PCSK5: variants seen among roughly 807,000 people sequenced by gnomAD.
PCSK5 encodes proprotein convertase subtilisin/kexin type 5.
Under a neutral mutation model 233.2 loss-of-function variants are expected in PCSK5, and 129 were observed. That is an observed-to-expected ratio of 0.55 (90% CI 0.48 to 0.64). The LOEUF (loss-of-function observed/expected upper bound fraction) is 0.64. Ranked by LOEUF, PCSK5 falls within the 30% of genes least tolerant of loss-of-function variation. The pLI is 0.00. For synonymous variants in PCSK5, 825 were observed against 879.2 expected, an observed-to-expected ratio of 0.94 and a Z score of 1.09; for missense variants, 2,076 against 2,430.1, an observed-to-expected ratio of 0.85 and a Z score of 3.06.
At chr9:75,979,682 T>C (rs1387834410) in intron 2 of PCSK5, among the ~76,000 whole-genome samples, 1 of 152,208 alleles carries the variant, frequency 6.6e-6, no homozygotes, top group Non-Finnish European at 1.5e-5. Context: ...CATTAGCTGG[T>C]CACATTGCCC....
chr9:76,189,926 A>C (rs10869727), intron 20 of PCSK5, among the ~76,000 whole-genome samples, 180 bp downstream of exon 20: 23,477 of 152,200 alleles, frequency 0.15, 2,102 homozygotes, highest in Middle Eastern at 0.28. Context: ...TTGAATTGCA[A>C]AAAGAAATAA....
Position 76,233,524 on chromosome 9 carries a change from T to C in PCSK5, c.2794T>C (p.Cys932Arg), listed in dbSNP as rs752388314. ...PSWKFEFENQ[C>R]HPCHHTCQRC... ...ATGGAAATTTGAATTTGAGAACCAA[T>C]GCCATCCATGCCACCACACCTGCCA... The change falls in exon 22 of 38, where the codon TGC becomes CGC. Residue 932 changes from cysteine (C) to arginine (R), a missense_variant. This residue lies in a region of PCSK5 where 1,510 missense variants were observed against 1,538.1 expected (regional missense o/e 0.98). Transcript: ENST00000674117. The C allele has an allele frequency of 2.5e-6, 4 of 1,612,328 alleles. No individual in the cohort carries two copies. The highest frequency in any genetic ancestry group is 2.7e-5 in the African/African-American group (2 of 74,920).
intron 2 of PCSK5, among the ~76,000 whole-genome samples, chr9:75,979,020 A>G (rs1200971338): frequency 1.3e-5 from 2 of 151,830 alleles, no homozygotes; most frequent in Non-Finnish European, 2.9e-5. Context: ...TTGCCCAGCT[A>G]ATTTTGTATT....
chr9:76,084,138 A>C (rs2131626262), intron 7 of PCSK5, among the ~76,000 whole-genome samples: 1 of 152,362 alleles, frequency 6.6e-6, no homozygotes, highest in Middle Eastern at 3.4e-3. Flanking sequence ...TTAGAACATT[A>C]ACAAAGCTAA....
intron 8 of PCSK5, among the ~76,000 whole-genome samples, chr9:76,101,937 A>T (rs963111991): frequency 6.6e-6 from 1 of 152,058 alleles, no homozygotes; most frequent in African/African-American, 2.4e-5. Flanking sequence ...TCTTCTTTTG[A>T]CTTAGAAAAT....
intron 12 of PCSK5, among the ~76,000 whole-genome samples, chr9:76,160,865 C>T (rs1001241708): frequency 6.6e-6 from 1 of 152,062 alleles, no homozygotes; most frequent in Admixed American, 6.5e-5. Flanking sequence ...CCTCCACCTC[C>T]TGGGTTCAAG....
chr9:76,072,840 C>T (rs1390840461), intron 7 of PCSK5, among the ~76,000 whole-genome samples: 5 of 152,296 alleles, frequency 3.3e-5, no homozygotes, highest in East Asian at 1.9e-4. Flanking sequence ...AAAAGGTTCA[C>T]GTCTTCCCAG....
At chr9:76,335,554 T>G (rs558348791) in intron 34 of PCSK5, among the ~76,000 whole-genome samples, 182 of 152,352 alleles carry the variant, frequency 1.2e-3, no homozygotes, top group African/African-American at 4.1e-3. Flanking sequence ...CTTGTGCTTA[T>G]GCTCTTCAAG....
intron 13 of PCSK5, 75 bp downstream of exon 13, chr9:76,169,915 C>A: frequency 1.7e-6 from 2 of 1,194,418 alleles, no homozygotes; most frequent in Non-Finnish European, 2.5e-6. Flanking sequence ...CAGAGTGTTT[C>A]ACACTCACAT....
At chr9:76,017,065 A>G (rs1827977069) in intron 3 of PCSK5, among the ~76,000 whole-genome samples, 2 of 152,132 alleles carry the variant, frequency 1.3e-5, no homozygotes, top group African/African-American at 4.8e-5. Context: ...TGGTTCTAGC[A>G]GAGTTGGAAT....
At chr9:76,097,744 A>G (rs985080625) in intron 8 of PCSK5, among the ~76,000 whole-genome samples, 10 of 152,244 alleles carry the variant, frequency 6.6e-5, no homozygotes, top group Non-Finnish European at 1.5e-5. Context: ...GGAAGGCAGT[A>G]AAAAGTGCCT....
At chr9:76,028,355 G>A (rs979409516) in intron 5 of PCSK5, among the ~76,000 whole-genome samples, 1 of 152,178 alleles carries the variant, frequency 6.6e-6, no homozygotes, top group Non-Finnish European at 1.5e-5. Flanking sequence ...CTGTGCTGGA[G>A]ACCAGAGTTT....
rs59248860 is a variant in PCSK5, at chr9:76,173,496, CTTT to C, written c.1757-1456_1757-1454del. Among the ~76,000 whole-genome samples the C allele has an allele frequency of 6.9e-3, 420 of 60,878 alleles. 1 individual carries two copies. The highest frequency in any genetic ancestry group is 8.5e-3 in the Non-Finnish European group (255 of 30,054). The allele number at this position is 60,878 out of a possible 152,430, so 39.9% of individuals were successfully genotyped here. ...CTTTAATGAAATGGAGGCACGTTTC[CTTT>C]TTTTTTTTTTTTTTTTTTTTTTTTT... On this transcript the variant is annotated intron_variant, in intron 13 of 37. Transcript: ENST00000674117.
At chr9:76,297,095 A>G (rs773411290) in intron 27 of PCSK5, among the ~76,000 whole-genome samples, 3 of 152,168 alleles carry the variant, frequency 2.0e-5, no homozygotes, top group Non-Finnish European at 4.4e-5. Flanking sequence ...CCAAAGGGCA[A>G]TTTATAATTA....
intron 2 of PCSK5, among the ~76,000 whole-genome samples, chr9:75,958,758 T>A (rs1222410403): frequency 3.9e-5 from 6 of 152,252 alleles, no homozygotes; most frequent in African/African-American, 1.2e-4. Flanking sequence ...AGTTTCCTTC[T>A]GTATGAAATG....
At chr9:76,219,146 G>T (rs1825640888) in intron 20 of PCSK5, among the ~76,000 whole-genome samples, 1 of 152,154 alleles carries the variant, frequency 6.6e-6, no homozygotes, top group Admixed American at 6.5e-5. Context: ...CTCTCCAGGG[G>T]CTTCTCTTTT....
At chr9:76,120,860 G>T (rs1832604195) in intron 9 of PCSK5, among the ~76,000 whole-genome samples, 1 of 151,922 alleles carries the variant, frequency 6.6e-6, no homozygotes, top group Admixed American at 6.6e-5. Context: ...GGATAGCCTT[G>T]AGCAAGTGGA....
chr9:76,022,922 A>C (rs565489032), intron 3 of PCSK5, among the ~76,000 whole-genome samples: 2 of 152,180 alleles, frequency 1.3e-5, no homozygotes, highest in Admixed American at 6.5e-5. Flanking sequence ...TAGTGAAAGA[A>C]GTGTGGAGAA....
chr9:76,188,300 T>C (rs1824198572), intron 17 of PCSK5, among the ~76,000 whole-genome samples: 1 of 152,146 alleles, frequency 6.6e-6, no homozygotes, highest in Non-Finnish European at 1.5e-5. Flanking sequence ...TTGCGCAAAG[T>C]AGGAGTGTGC....
Sources: allele counts gnomAD v4.1 joint callset (sites outside exome capture counted in the v4.1 genomes callset), GRCh38; gene constraint gnomAD v4.1.1; regional missense constraint gnomAD v4.1.1; transcripts MANE v1.5; gene names NCBI Gene and HGNC (gene_info 2026-07-23, HGNC 2026-07-21).